The following GPD2 variants were observed in gnomAD, a reference collection of about 807,000 sequenced individuals.
GPD2 encodes the protein glycerol-3-phosphate dehydrogenase 2, also known as glycerol-3-phosphate dehydrogenase, mitochondrial.
A neutral mutation model predicts 82.4 loss-of-function variants in GPD2; 54 were observed. The observed-to-expected ratio is 0.66, with a 90% CI of 0.53 to 0.82. GPD2 has a LOEUF of 0.82. Ranked by LOEUF, GPD2 falls within the 40% of genes least tolerant of loss-of-function variation. The probability of loss-of-function intolerance (pLI) is 0.00; values close to 1 mark genes in which losing one functional copy is unlikely to be tolerated. For missense variants in GPD2, 748 were observed against 896.2 expected (o/e 0.83, Z 2.11); for synonymous variants, 288 against 306.1 (o/e 0.94, Z 0.62).
chr2:156,448,427 T>C (rs1682445054), intron 1 of GPD2, among the ~76,000 whole-genome samples: 1 of 152,238 alleles, frequency 6.6e-6, no homozygotes, highest in Admixed American at 6.5e-5. Flanking sequence ...CAGCAATTTT[T>C]CTACAAATAA....
chr2:156,535,392 G>GGC (rs1420252910), intron 6 of GPD2, among the ~76,000 whole-genome samples: 1 of 118,776 alleles, frequency 8.4e-6, no homozygotes, highest in African/African-American at 3.2e-5. Flanking sequence ...AAAGACCTGG[G>GGC]GGGGGGCGGG....
chr2:156,457,701 T>C (rs1327019783), intron 1 of GPD2, among the ~76,000 whole-genome samples: 4 of 152,164 alleles, frequency 2.6e-5, no homozygotes, highest in Admixed American at 2.6e-4. Flanking sequence ...CAAAGCAGGG[T>C]TGTGGCCCGA....
chr2:156,401,672 A>G, the GPD2 span, among the ~76,000 whole-genome samples: 1 of 152,202 alleles, frequency 6.6e-6, no homozygotes, highest in African/African-American at 2.4e-5. Context: ...GAAATTGGTA[A>G]ATTGGAACTA....
chr2:156,496,220 G>A lies in GPD2; in HGVS notation c.274+5G>A. The stretch of plus-strand genomic sequence containing the variant: ...CGCTAGATGCTGTCACCAGAGGTAA[G>A]TCTTTTTTTTTTTTATTTTAATTTT... On this transcript the variant is annotated splice_donor_5th_base_variant and intron_variant, in intron 3 of 16. Transcript: ENST00000438166. 2 of 1,581,326 alleles carry A rather than the reference G, an allele frequency of 1.3e-6. No individual in the cohort carries two copies. Among genetic ancestry groups the A allele is most frequent in the South Asian group, 2.2e-5 (2 of 90,012 alleles).
At chr2:156,534,810 T>TAAA (rs758423390) in intron 6 of GPD2, among the ~76,000 whole-genome samples, 1 of 143,328 alleles carries the variant, frequency 7.0e-6, no homozygotes, top group African/African-American at 2.5e-5. Flanking sequence ...TGCTTTTTCT[T>TAAA]AAAAAAAAAA....
At chr2:156,412,958 A>G in the GPD2 span, among the ~76,000 whole-genome samples, 4 of 151,904 alleles carry the variant, frequency 2.6e-5, no homozygotes, top group African/African-American at 4.8e-5. Flanking sequence ...TTAGTCTGGC[A>G]TGATGGTGTG....
intron 1 of GPD2, among the ~76,000 whole-genome samples, chr2:156,460,920 A>G (rs1682965565): frequency 6.6e-6 from 1 of 151,796 alleles, no homozygotes; most frequent in Non-Finnish European, 1.5e-5. Context: ...TAATTTGTTA[A>G]CTCTTTCCCC....
intron 1 of GPD2, among the ~76,000 whole-genome samples, chr2:156,441,107 T>C (rs924737546): frequency 4.6e-5 from 7 of 152,146 alleles, no homozygotes; most frequent in Non-Finnish European, 8.8e-5. Flanking sequence ...AAACCTTAAA[T>C]TTTGGAAAGC....
chr2:156,581,986 ATG>A (rs1345226858), intron 16 of GPD2, among the ~76,000 whole-genome samples: 4 of 152,026 alleles, frequency 2.6e-5, no homozygotes, highest in African/African-American at 9.7e-5. Context: ...GTATATATAT[ATG>A]ATGTGTGTGC....
chr2:156,495,482 T>C (rs138649237), intron 2 of GPD2: 211 of 273,952 alleles, frequency 7.7e-4, no homozygotes, highest in South Asian at 5.4e-3. Context: ...TCATTAAACA[T>C]AGCTCATTAT....
Position 156,513,504 on chromosome 2 carries a change from ATG to A in GPD2, c.661+10_661+11del, listed in dbSNP as rs202066922. ...CAATTGTCTACTATGACGGTATGTGATGTTTTTTTTTTTTTTCCTCACAAGAT... is the reference window on the plus strand; with the variant it reads ...CAATTGTCTACTATGACGGTATGTGATTTTTTTTTTTTTTCCTCACAAGAT... On this transcript the variant is annotated intron_variant, in intron 6 of 16. Transcript: ENST00000438166. The A allele has an allele frequency of 6.1e-5, 96 of 1,562,826 alleles. No individual in the cohort carries two copies. In the African/African-American group the frequency reaches 1.1e-3, roughly 18 times the overall value.
chr2:156,403,931 C>T, the GPD2 span, among the ~76,000 whole-genome samples: 1 of 152,112 alleles, frequency 6.6e-6, no homozygotes, highest in Non-Finnish European at 1.5e-5. Context: ...GTTGTTCAAA[C>T]AGGTTGAGTG....
chr2:156,443,622 G>A, intron 1 of GPD2, among the ~76,000 whole-genome samples: 1 of 152,032 alleles, frequency 6.6e-6, no homozygotes, highest in Non-Finnish European at 1.5e-5. Context: ...TCCCTCCCAA[G>A]GTGCTGAGAG....
chr2:156,410,163 G>A, the GPD2 span, among the ~76,000 whole-genome samples: 5 of 152,174 alleles, frequency 3.3e-5, no homozygotes, highest in African/African-American at 1.2e-4. Context: ...AGCAGTGTGT[G>A]ACACCATAAC....
rs1402450590 is a variant in GPD2, at chr2:156,578,876, A to G, written c.1768-13A>G. ...CCATGTGTCTTTGAACTTTGTGTGT[A>G]TCTCTGTTTTAGGAACAACTTGAAA... On this transcript the variant is annotated splice_polypyrimidine_tract_variant and intron_variant, in intron 13 of 16. Transcript: ENST00000438166. 5 of 1,390,060 alleles carry G rather than the reference A, an allele frequency of 3.6e-6. No homozygotes were observed. Among genetic ancestry groups the G allele is most frequent in the Non-Finnish European group, 4.1e-6 (4 of 976,846 alleles). The allele number at this position is 1,390,060 out of a possible 1,614,324, so 86.1% of individuals were successfully genotyped here.
intron 3 of GPD2, among the ~76,000 whole-genome samples, chr2:156,507,156 G>A (rs1200397402): frequency 1.3e-5 from 2 of 151,804 alleles, no homozygotes; most frequent in Non-Finnish European, 2.9e-5. Context: ...TGGGATTACA[G>A]GCATGCACCA....
chr2:156,493,958 G>GTGTGTGTGTGTGTGTA (rs60643688), intron 2 of GPD2, among the ~76,000 whole-genome samples: 2,429 of 143,428 alleles, frequency 0.017, 33 homozygotes, highest in Middle Eastern at 0.038. Flanking sequence ...GTGTGTGTGT[G>GTGTGTGTGTGTGTGTA]TATAATTTTT....
intron 6 of GPD2, among the ~76,000 whole-genome samples, chr2:156,535,542 A>G (rs1686047208): frequency 6.6e-6 from 1 of 151,810 alleles, no homozygotes; most frequent in African/African-American, 2.4e-5. Flanking sequence ...CAACTCCAGC[A>G]TCTACTACCC....
intron 1 of GPD2, among the ~76,000 whole-genome samples, chr2:156,456,962 C>G (rs1037319740): frequency 2.0e-5 from 3 of 152,074 alleles, no homozygotes; most frequent in African/African-American, 7.2e-5. Context: ...CCCTCGTTCC[C>G]CAGTTCTCAT....
Sources: gnomAD v4.1 joint callset for allele counts (sites outside exome capture counted in the v4.1 genomes callset) on GRCh38, gnomAD v4.1.1 for gene constraint, MANE v1.5 for transcripts, NCBI Gene and HGNC (gene_info 2026-07-23, HGNC 2026-07-21) for gene names.